RNF220: variants seen among roughly 807,000 people sequenced by gnomAD.
The protein encoded by RNF220 is ring finger protein 220, also known as E3 ubiquitin-protein ligase RNF220.
A neutral mutation model predicts 67.1 loss-of-function variants in RNF220; 7 were observed. The observed-to-expected ratio is 0.10, with a 90% CI of 0.06 to 0.20. RNF220 has a LOEUF of 0.20. RNF220 is among the 10% of genes least tolerant of loss of function. The pLI, the probability that RNF220 is intolerant of heterozygous loss-of-function variation, is 1.00. For missense variants in RNF220, 565 were observed against 740.3 expected, an observed-to-expected ratio of 0.76 and a Z score of 2.75; for synonymous variants, 270 against 283.2, an observed-to-expected ratio of 0.95 and a Z score of 0.47.
intron 2 of RNF220, among the ~76,000 whole-genome samples, chr1:44,585,624 G>C (rs1169015039): frequency 1.3e-5 from 2 of 152,168 alleles, no homozygotes; most frequent in Non-Finnish European, 2.9e-5. Flanking sequence ...GATCCTAGGG[G>C]CTGGTGACAC....
At chr1:44,443,178 A>C (rs1651738479) in intron 2 of RNF220, among the ~76,000 whole-genome samples, 1 of 152,184 alleles carries the variant, frequency 6.6e-6, no homozygotes, top group South Asian at 2.1e-4. Flanking sequence ...CTGAATACTC[A>C]GCAGGACCAA....
intron 2 of RNF220, among the ~76,000 whole-genome samples, chr1:44,420,539 A>T (rs1299065128): frequency 1.3e-5 from 2 of 152,242 alleles, no homozygotes; most frequent in Admixed American, 1.3e-4. Context: ...AAAGGAAGTC[A>T]GAGTGGCCTA....
chr1:44,470,186 A>C (rs1341405841), intron 2 of RNF220, among the ~76,000 whole-genome samples: 2 of 152,248 alleles, frequency 1.3e-5, no homozygotes, highest in African/African-American at 2.4e-5. Context: ...GTTAGGAAGT[A>C]AAATTGTTAA....
intron 3 of RNF220, among the ~76,000 whole-genome samples, chr1:44,615,380 C>T (rs1051768906): frequency 3.3e-5 from 5 of 151,932 alleles, no homozygotes; most frequent in African/African-American, 1.2e-4. Context: ...GGAGGACTGG[C>T]AAGGTCAAAT....
At chr1:44,467,074 A>G (rs1003139386) in intron 2 of RNF220, among the ~76,000 whole-genome samples, 1 of 152,290 alleles carries the variant, frequency 6.6e-6, no homozygotes, top group Middle Eastern at 3.4e-3. Flanking sequence ...ACCTTCTTCA[A>G]TTATCTTAGC....
At chr1:44,428,607 C>T (rs1473192973) in intron 2 of RNF220, among the ~76,000 whole-genome samples, 6 of 152,152 alleles carry the variant, frequency 3.9e-5, no homozygotes, top group African/African-American at 1.4e-4. Context: ...TATCCCACCC[C>T]GCCCCATCAT....
At chr1:44,521,530 G>A (rs987441537) in intron 2 of RNF220, among the ~76,000 whole-genome samples, 1 of 152,188 alleles carries the variant, frequency 6.6e-6, no homozygotes, top group Non-Finnish European at 1.5e-5. Flanking sequence ...CTGAAAGACT[G>A]CTGGAGTTTT....
chr1:44,583,786 G>A (rs270707), intron 2 of RNF220, among the ~76,000 whole-genome samples: 63,875 of 152,074 alleles, frequency 0.42, 13,893 homozygotes, highest in Middle Eastern at 0.58. Flanking sequence ...TTTAAGGTAT[G>A]TGCCTCTCAT....
chr1:44,442,606 C>T (rs578029434), intron 2 of RNF220, among the ~76,000 whole-genome samples: 184 of 151,216 alleles, frequency 1.2e-3, no homozygotes, highest in Admixed American at 3.6e-3. Flanking sequence ...CTTTGACTTC[C>T]CAGGTTCAAG....
At chr1:44,580,048 AAAAAAAAAAGAAAG>A (rs1665138124) in intron 2 of RNF220, among the ~76,000 whole-genome samples, 3 of 142,864 alleles carry the variant, frequency 2.1e-5, no homozygotes, top group African/African-American at 8.7e-5. Flanking sequence ...AAAAAAAAAA[AAAAAAAAAAGAAAG>A]AAAAGAAAGA....
intron 2 of RNF220, among the ~76,000 whole-genome samples, chr1:44,568,434 T>C (rs1664189502): frequency 6.6e-6 from 1 of 152,252 alleles, no homozygotes. Flanking sequence ...TTAATTCTTG[T>C]TGGATAAATT....
intron 2 of RNF220, among the ~76,000 whole-genome samples, chr1:44,605,486 A>G (rs1286552380): frequency 6.6e-6 from 1 of 152,152 alleles, no homozygotes; most frequent in African/African-American, 2.4e-5. Context: ...ATTGATTTCT[A>G]CTATTACTAT....
rs748339864 is a variant in RNF220, at chr1:44,600,507, C to T, written c.626-13658C>T. Among the ~76,000 whole-genome samples the T allele has an allele frequency of 7.2e-5, 11 of 152,138 alleles. No individual in the cohort carries two copies. Among genetic ancestry groups the T allele is most frequent in the Non-Finnish European group, 1.5e-4 (10 of 68,024 alleles). On this transcript the variant is annotated intron_variant, in intron 2 of 14. Coordinates refer to ENST00000361799, the MANE Select transcript of RNF220 (RefSeq NM_018150.4). This position sits in a 1 kb window ranked among gnomAD's most constrained non-coding sequence, Gnocchi z 4.0. ...ACTTCTCTACGCCTCTGTTTCCTTA[C>T]TTATAAAATAGGGATTAAATAGTAC...
intron 2 of RNF220, among the ~76,000 whole-genome samples, chr1:44,487,142 C>G (rs1420441884): frequency 6.6e-6 from 1 of 151,882 alleles, no homozygotes; most frequent in Non-Finnish European, 1.5e-5. Flanking sequence ...CGAGACCAGC[C>G]TGGCCAACAT....
chr1:44,518,521 G>A lies in RNF220; in HGVS notation c.626-95644G>A, dbSNP rs181914133. Among the ~76,000 whole-genome samples, 14 of 152,232 alleles carry A rather than the reference G, an allele frequency of 9.2e-5. No individual in the cohort carries two copies. The East Asian group carries it at 2.5e-3, about 27-fold the overall frequency. ...ATTCAGTGGGGGAAAATCCAACACA[G>A]GCCATCAGGCAGTGCATGGTATTCC... is the stretch of plus-strand genomic sequence containing the variant. On this transcript the variant is annotated intron_variant, in intron 2 of 14. Transcript: ENST00000361799.
intron 2 of RNF220, among the ~76,000 whole-genome samples, chr1:44,470,968 A>G (rs1473202907): frequency 6.6e-6 from 1 of 152,094 alleles, no homozygotes; most frequent in Non-Finnish European, 1.5e-5. Flanking sequence ...GGACTTCAGC[A>G]TTGACCTCCA....
intron 2 of RNF220, among the ~76,000 whole-genome samples, chr1:44,549,477 C>T (rs1662444989): frequency 6.6e-6 from 1 of 152,210 alleles, no homozygotes; most frequent in Non-Finnish European, 1.5e-5. Flanking sequence ...CGCAACCCAT[C>T]ATTCCTAGAA....
At chr1:44,642,542 G>T (rs1355751245) in intron 8 of RNF220, among the ~76,000 whole-genome samples, 1 of 152,178 alleles carries the variant, frequency 6.6e-6, no homozygotes, top group Non-Finnish European at 1.5e-5. Flanking sequence ...GCGGAGGCAT[G>T]GGGGCATGAG....
rs374992256 is a variant in RNF220, at chr1:44,505,152, G to C, written c.625+92430G>C. Reference sequence around the variant, plus strand: ...TTTGTCCCTCGTGCAGCATCACACAGCTTCTAAGTGGCAGTCAGGATTTGA... The same window carrying C: ...TTTGTCCCTCGTGCAGCATCACACACCTTCTAAGTGGCAGTCAGGATTTGA... On this transcript the variant is annotated intron_variant, in intron 2 of 14. Transcript: ENST00000361799. Among the ~76,000 whole-genome samples the C allele has an allele frequency of 5.3e-5, 8 of 152,306 alleles. No individual in the cohort carries two copies. In the East Asian group the frequency reaches 1.4e-3, roughly 26 times the overall value.
Sources: gnomAD v4.1 joint callset for allele counts (sites outside exome capture counted in the v4.1 genomes callset) on GRCh38, gnomAD v4.1.1 for gene constraint, Gnocchi (gnomAD v3.1) non-coding constraint, MANE v1.5 for transcripts, NCBI Gene and HGNC (gene_info 2026-07-23, HGNC 2026-07-21) for gene names.